The following CAD variants were observed in gnomAD, a reference collection of about 807,000 sequenced individuals.
CAD encodes carbamoyl-phosphate synthetase 2, aspartate transcarbamylase, and dihydroorotase.
In CAD, 81 loss-of-function variants were observed where a neutral mutation model predicts 237.2. That is an observed-to-expected ratio of 0.34 (90% CI 0.29 to 0.41). The LOEUF (loss-of-function observed/expected upper bound fraction) is 0.41. Among genes scored for constraint, CAD ranks in the 10% least tolerant of loss-of-function variants. The probability of loss-of-function intolerance (pLI) is 1.00; values close to 1 mark genes in which losing one functional copy is unlikely to be tolerated. For missense variants in CAD, 2,181 were observed against 2,951.7 expected, an observed-to-expected ratio of 0.74 and a Z score of 6.05; for synonymous variants, 1,196 against 1,162.8, an observed-to-expected ratio of 1.03 and a Z score of -0.58.
At position 27,237,946 on chromosome 2, in the gene CAD, T is replaced by C. The variant is rs1048440455; in HGVS notation, c.4728+64T>C. 8.9e-6 allele frequency: 14 copies of C among 1,575,426 alleles called. No homozygotes were observed. The highest frequency in any genetic ancestry group is 1.1e-5 in the Non-Finnish European group (13 of 1,157,970). On this transcript the variant is annotated intron_variant, in intron 29 of 43. Coordinates refer to ENST00000264705, the MANE Select transcript of CAD (RefSeq NM_004341.5). This position sits in a 1 kb window ranked among gnomAD's most constrained non-coding sequence, Gnocchi z 4.0. ...GTCTCCTGGCTTGTGGGCCCCTGCC[T>C]AAGTGGGCTGGTAGCAGTGAGGATT...
At chr2:27,222,834 G>A (rs1675243545) in intron 5 of CAD, 32 bp from the exon 6 acceptor site, 15 of 1,609,944 alleles carry the variant, frequency 9.3e-6, no homozygotes, top group Non-Finnish European at 1.2e-5. Flanking sequence ...TTGAAATACT[G>A]ATTTTGATGT....
chr2:27,225,229 A>G lies in CAD; in HGVS notation c.1606A>G (p.Asn536Asp), dbSNP rs757485336. Residue 536 changes from asparagine to aspartate, a missense_variant, in exon 11 of 44, where the codon AAT (asparagine) becomes GAT (aspartate). Asn to Asp is a conservative substitution (Grantham distance 23, BLOSUM62 1). Coordinates refer to ENST00000264705, the MANE Select transcript of CAD (RefSeq NM_004341.5). The stretch of plus-strand genomic sequence containing the variant: ...GCATGTGGCCCCGAGCGAGGCAGCA[A>G]ATTCTCTTGAACAGGTTGGAGGGGT... Reference protein sequence around the residue: ...GEHVAPSEAANSLEQAQAAAE... With the variant: ...GEHVAPSEAADSLEQAQAAAE... The G allele has an allele frequency of 2.4e-5, 39 of 1,611,474 alleles. No individual in the cohort carries two copies. In the Admixed American group the frequency reaches 3.8e-4, roughly 16 times the overall value.
Position 27,241,526 on chromosome 2 carries a change from C to G in CAD, c.5883+130C>G. 2.3e-6 allele frequency: 2 copies of G among 868,752 alleles called. No individual in the cohort carries two copies. Among genetic ancestry groups the G allele is most frequent in the Non-Finnish European group, 3.7e-6 (2 of 536,260 alleles). The allele number at this position is 868,752 out of a possible 1,614,324, so 53.8% of individuals were successfully genotyped here. A position where few individuals can be genotyped will look rare whatever the true frequency, so the allele number is the denominator to read the frequency against. The stretch of plus-strand genomic sequence containing the variant: ...CCCGTCCCCTTATGCTAGTCCATCC[C>G]TCTGCTGCTGTAGATCTTCCCCCAC... On this transcript the variant is annotated intron_variant, in intron 38 of 43. Coordinates refer to ENST00000264705, the MANE Select transcript of CAD (RefSeq NM_004341.5). This position sits in a 1 kb window ranked among gnomAD's most constrained non-coding sequence, Gnocchi z 4.6.
rs544222480 is a variant in CAD, at chr2:27,225,802, A to G, written c.1718A>G (p.Glu573Gly). The G allele has an allele frequency of 6.2e-6, 10 of 1,613,944 alleles. No individual in the cohort carries two copies. In the African/African-American group the frequency reaches 9.3e-5, roughly 15 times the overall value. Reference protein sequence around the residue: ...LGSGFASNREELSALVAPAFA... With the variant: ...LGSGFASNREGLSALVAPAFA... ...TCTGGCTTTGCCTCTAACAGGGAGG[A>G]GCTCTCTGCTCTCGTGGCCCCAGCT... Residue 573 changes from glutamate to glycine, a missense_variant, in exon 12 of 44, where the codon GAG becomes GGG. This residue lies in a region of CAD where 174 missense variants were observed against 215.8 expected (regional missense o/e 0.81). Coordinates refer to ENST00000264705, the MANE Select transcript of CAD (RefSeq NM_004341.5).
rs1491358907 is a variant in CAD, at chr2:27,221,780, T to TTTA, written c.353-414_353-413insTTA. 5.0e-4 allele frequency among the ~76,000 whole-genome samples: 59 copies of TTTA among 118,886 alleles called. 2 individuals carry two copies. Among genetic ancestry groups the TTTA allele is most frequent in the African/African-American group, 1.8e-3 (50 of 28,176 alleles). 78.0% of individuals were successfully genotyped at this position (118,886 alleles called of 152,430 possible). A position where few individuals can be genotyped will look rare whatever the true frequency, so the allele number is the denominator to read the frequency against. ...TTTTTTTTTTTTTTTTTTTTTTTTT[T>TTTA]CTGTTCATTTGAATCTTGCTCTAAA... On this transcript the variant is annotated intron_variant, in intron 3 of 43. Coordinates refer to ENST00000264705, the MANE Select transcript of CAD (RefSeq NM_004341.5).
At position 27,225,144 on chromosome 2, in the gene CAD, G is replaced by A; in HGVS notation, c.1521G>A (p.Glu507=). The change falls in exon 11 of 44, where the codon GAG becomes GAA. Residue 507 remains glutamate (E), a synonymous_variant. Transcript: ENST00000264705. ...YGVRVLGTPV[E]TIELTEDRRA... ...TCCGGGTCCTGGGCACACCAGTGGAGACCATTGAGCTGACCGAGGATCGAC... is the reference window on the plus strand; with the variant it reads ...TCCGGGTCCTGGGCACACCAGTGGAAACCATTGAGCTGACCGAGGATCGAC... The A allele has an allele frequency of 6.2e-7, 1 of 1,614,150 alleles. No homozygotes were observed. The highest frequency in any genetic ancestry group is 8.5e-7 in the Non-Finnish European group (1 of 1,180,012).
In CAD at chr2:27,232,707, A is replaced by G; in HGVS notation, c.2892+13A>G. 1 of 1,613,980 alleles carries G rather than the reference A, an allele frequency of 6.2e-7. No homozygotes were observed. Among genetic ancestry groups the G allele is most frequent in the Non-Finnish European group, 8.5e-7 (1 of 1,179,918 alleles). Reference sequence around the variant, plus strand: ...GCAGCTCCGAAAGGTCAGAGAGTTCATTTTCTTTCCACTTTCCTTGCTATT... The same window carrying G: ...GCAGCTCCGAAAGGTCAGAGAGTTCGTTTTCTTTCCACTTTCCTTGCTATT... On this transcript the variant is annotated intron_variant, in intron 18 of 43. Coordinates refer to ENST00000264705, the MANE Select transcript of CAD (RefSeq NM_004341.5). This position sits in a 1 kb window ranked among gnomAD's most constrained non-coding sequence, Gnocchi z 4.1.
Position 27,243,508 on chromosome 2 carries a change from G to C in CAD, c.6668G>C (p.Gly2223Ala). The change falls in exon 44 of 44, where the codon GGC becomes GCC. Residue 2223 changes from glycine (G) to alanine (A), a missense_variant. Physicochemically the swap from Gly to Ala is moderately conservative, Grantham distance 60. This residue lies in a region of CAD where 170 missense variants were observed against 212.1 expected (regional missense o/e 0.80). Coordinates refer to ENST00000264705, the MANE Select transcript of CAD (RefSeq NM_004341.5). Reference protein sequence around the residue: ...IRMALLATVLGRF With the variant: ...IRMALLATVLARF ...ATGGCTCTGTTAGCCACCGTGCTGG[G>C]CCGTTTCTAGGGCCTGGCTTCCTCA... The C allele has an allele frequency of 6.3e-7, 1 of 1,592,550 alleles. No homozygotes were observed. The highest frequency in any genetic ancestry group is 1.1e-5 in the South Asian group (1 of 87,770).
chr2:27,226,811 A>T (rs750292284), intron 14 of CAD, 21 bp from the exon 15 acceptor site: 4 of 1,613,734 alleles, frequency 2.5e-6, no homozygotes, highest in South Asian at 1.1e-5. Flanking sequence ...TCCTTCTGGC[A>T]TCCCACCTGC....
At chr2:27,221,938 T>TA (rs1675191337) in intron 3 of CAD, among the ~76,000 whole-genome samples, 1 of 149,804 alleles carries the variant, frequency 6.7e-6, no homozygotes, top group Admixed American at 6.7e-5. Context: ...CCTGTAGTGT[T>TA]ACTTAGCGTA....
rs1395239149 is a variant in CAD at position 27,241,539 on chromosome 2, G to T, written c.5883+143G>T. ...GCTAGTCCATCCCTCTGCTGCTGTAGATCTTCCCCCACGTTTTCCCTCCCC... is the reference window on the plus strand; with the variant it reads ...GCTAGTCCATCCCTCTGCTGCTGTATATCTTCCCCCACGTTTTCCCTCCCC... On this transcript the variant is annotated intron_variant, in intron 38 of 43. Transcript: ENST00000264705. The surrounding 1 kb of genome is among the most constrained non-coding windows in gnomAD (Gnocchi z 4.6). 4 of 829,152 alleles carry T rather than the reference G, an allele frequency of 4.8e-6. No individual in the cohort carries two copies. The highest frequency in any genetic ancestry group is 5.9e-6 in the Non-Finnish European group (3 of 509,672). The allele number at this position is 829,152 out of a possible 1,614,324, so 51.4% of individuals were successfully genotyped here.
Position 27,240,002 on chromosome 2 carries a change from A to G in CAD, c.5496+204A>G. The G allele has an allele frequency of 1.7e-6, 1 of 583,962 alleles. No homozygotes were observed. Among genetic ancestry groups the G allele is most frequent in the Admixed American group, 3.3e-5 (1 of 30,150 alleles). 36.2% of individuals were successfully genotyped at this position (583,962 alleles called of 1,614,324 possible). A position where few individuals can be genotyped will look rare whatever the true frequency, so the allele number is the denominator to read the frequency against. On this transcript the variant is annotated intron_variant, in intron 34 of 43. Transcript: ENST00000264705. This position sits in a 1 kb window ranked among gnomAD's most constrained non-coding sequence, Gnocchi z 4.6. The stretch of plus-strand genomic sequence containing the variant: ...ACACTTGTAATCCCAGCACTTTGGG[A>G]GGCCAAGGCAGGCGGATCATCTGAG...
rs775889251 is a variant in CAD, at chr2:27,242,297, T to G, written c.6097-5T>G. On this transcript the variant is annotated splice_polypyrimidine_tract_variant and splice_region_variant and intron_variant, in intron 39 of 43. Transcript: ENST00000264705. The surrounding 1 kb of genome is among the most constrained non-coding windows in gnomAD (Gnocchi z 6.4). ...CAAAAGACAGGATTTTCCCCTTTTT[T>G]CCAGCTGGCCGCCAAGCACTGCCGG... 6.2e-7 allele frequency: 1 copy of G among 1,604,944 alleles called. No individual in the cohort carries two copies. Among genetic ancestry groups the G allele is most frequent in the Non-Finnish European group, 8.5e-7 (1 of 1,173,432 alleles).
In CAD at chr2:27,217,398, G is replaced by T. The variant is rs1674913310; in HGVS notation, c.-154G>T. ...TCTGCTGCTGCCGCCAAGCGCGCCC[G>T]AGGCTCCTACGCTGCCGCGCCCGGC... On this transcript the variant is annotated 5_prime_UTR_variant, in exon 1 of 44. Coordinates refer to ENST00000264705, the MANE Select transcript of CAD (RefSeq NM_004341.5). The T allele has an allele frequency of 7.4e-6, 5 of 679,842 alleles. No individual in the cohort carries two copies. Among genetic ancestry groups the T allele is most frequent in the Non-Finnish European group, 1.3e-5 (5 of 384,786 alleles). 42.1% of individuals were successfully genotyped at this position (679,842 alleles called of 1,614,324 possible). A position where few individuals can be genotyped will look rare whatever the true frequency, so the allele number is the denominator to read the frequency against.
chr2:27,222,844 T>A (rs759474888), intron 5 of CAD, 22 bp from the exon 6 acceptor site: 2 of 1,611,366 alleles, frequency 1.2e-6, no homozygotes, highest in Non-Finnish European at 1.7e-6. Flanking sequence ...GATTTTGATG[T>A]CATCTTTTCT....
In CAD at chr2:27,240,676, T is replaced by G; in HGVS notation, c.5594-235T>G. On this transcript the variant is annotated intron_variant, in intron 35 of 43. Coordinates refer to ENST00000264705, the MANE Select transcript of CAD (RefSeq NM_004341.5). This position sits in a 1 kb window ranked among gnomAD's most constrained non-coding sequence, Gnocchi z 4.6. ...CCGTTCCTCTTGCCTAGGATGCCTT[T>G]GCCAACTGGGAGAGCCCCGGGAGGG... 6.6e-7 allele frequency: 1 copy of G among 1,514,408 alleles called. No homozygotes were observed. The highest frequency in any genetic ancestry group is 8.9e-7 in the Non-Finnish European group (1 of 1,117,558). The allele number at this position is 1,514,408 out of a possible 1,614,324, so 93.8% of individuals were successfully genotyped here.
intron 9 of CAD, 60 bp downstream of exon 9, chr2:27,224,550 T>C (rs1304837008): frequency 1.9e-6 from 3 of 1,590,334 alleles, no homozygotes; most frequent in Non-Finnish European, 2.6e-6. Flanking sequence ...GAAAGGGTCT[T>C]AAGGAGAAGG....
In CAD at chr2:27,241,973, A is replaced by G. The variant is rs774126877; in HGVS notation, c.5946A>G (p.Ala1982=). 4.3e-6 allele frequency: 7 copies of G among 1,613,590 alleles called. No homozygotes were observed. Among genetic ancestry groups the G allele is most frequent in the Non-Finnish European group, 5.9e-6 (7 of 1,180,042 alleles). Reference sequence around the variant, plus strand: ...CACGGACCAGCAGCTCCTTTGCAGCAGCCATGGCCCGGCTGGGAGGTGCTG... The same window carrying G: ...CACGGACCAGCAGCTCCTTTGCAGCGGCCATGGCCCGGCTGGGAGGTGCTG... ...VSTRTSSSFA[A]AMARLGGAVL... is the part of the protein sequence containing the mutation. Residue 1982 remains alanine, a synonymous_variant, in exon 39 of 44, where the codon GCA becomes GCG. Transcript: ENST00000264705. The surrounding 1 kb of genome is among the most constrained non-coding windows in gnomAD (Gnocchi z 4.6).
At chr2:27,231,919 T>TAA (rs138932902) in intron 16 of CAD, 61 bp from the exon 17 acceptor site, 1 of 1,603,150 alleles carries the variant, frequency 6.2e-7, no homozygotes, top group African/African-American at 1.3e-5. Context: ...AGCAGCTACT[T>TAA]ACGCTCAGGC....
Sources: allele counts gnomAD v4.1 joint callset (sites outside exome capture counted in the v4.1 genomes callset), GRCh38; gene constraint gnomAD v4.1.1; regional missense constraint gnomAD v4.1.1; non-coding constraint Gnocchi (gnomAD v3.1); transcripts MANE v1.5; gene names NCBI Gene and HGNC (gene_info 2026-07-23, HGNC 2026-07-21).